The following CHIC1 variants were observed in gnomAD, a reference collection of about 807,000 sequenced individuals.
CHIC1 encodes cysteine-rich hydrophobic domain-containing protein 1.
CHIC1 carries 7 observed loss-of-function variants against 18.5 expected under a neutral mutation model. The ratio of observed to expected loss-of-function variants is 0.38; its 90% CI spans 0.22 to 0.71. The LOEUF (loss-of-function observed/expected upper bound fraction) is 0.71. Ranked by LOEUF, CHIC1 falls within the 30% of genes least tolerant of loss-of-function variation. The pLI, the probability that CHIC1 is intolerant of heterozygous loss-of-function variation, is 0.49. For synonymous variants in CHIC1, 77 were observed against 73.5 expected (o/e 1.05, Z -0.25); for missense variants, 159 against 176.9 (o/e 0.90, Z 0.57).
chrX:73,655,467 T>TATATAC (rs2057940001), intron 3 of CHIC1, among the ~76,000 whole-genome samples: 5 of 72,681 alleles, frequency 6.9e-5, no homozygotes, highest in Non-Finnish European at 1.1e-4. Flanking sequence ...ATTGTGTATA[T>TATATAC]ATATATACAT....
At position 73,563,518 on chromosome X, in the gene CHIC1, G is replaced by A. The variant is rs1388837332; in HGVS notation, c.234G>A (p.Glu78=). ...CGCCCCCGCCTCGGGTAGTGAGCGA[G>A]GAGCATCTGCGGAGATATGCTCCCG... ...EAPPPPRVVS[E]EHLRRYAPDP... Residue 78 remains glutamate, a synonymous_variant, in exon 1 of 6, where the codon GAG becomes GAA. Transcript: ENST00000373502. The A allele has an allele frequency of 1.7e-6, 2 of 1,158,802 alleles. No individual in the cohort carries two copies. The highest frequency in any genetic ancestry group is 2.1e-5 in the South Asian group (1 of 47,993).
intron 1 of CHIC1, among the ~76,000 whole-genome samples, chrX:73,565,463 G>A (rs2057440616): frequency 9.0e-6 from 1 of 111,646 alleles, no homozygotes; most frequent in Non-Finnish European, 1.9e-5. Flanking sequence ...TTCTAATTAG[G>A]AGCATGCGGG....
At chrX:73,634,332 A>G (rs1368725976) in intron 3 of CHIC1, among the ~76,000 whole-genome samples, 2 of 112,911 alleles carry the variant, frequency 1.8e-5, no homozygotes, top group Admixed American at 1.9e-4. Flanking sequence ...CAAGCCAGGT[A>G]TGGTGATAAG....
chrX:73,610,978 C>T (rs1302740486), intron 3 of CHIC1, among the ~76,000 whole-genome samples: 4 of 105,026 alleles, frequency 3.8e-5, no homozygotes, highest in Non-Finnish European at 7.7e-5. Context: ...GTTAGTCTAA[C>T]TAGCAGTTTA....
intron 3 of CHIC1, among the ~76,000 whole-genome samples, chrX:73,640,877 C>T (rs1418306282): frequency 9.0e-6 from 1 of 111,142 alleles, no homozygotes; most frequent in African/African-American, 3.3e-5. Context: ...TTCTTGTTTT[C>T]TGCTAGCTTT....
At chrX:73,675,532 T>G (rs2058057243) in intron 3 of CHIC1, among the ~76,000 whole-genome samples, 1 of 111,857 alleles carries the variant, frequency 8.9e-6, no homozygotes, top group African/African-American at 3.3e-5. Context: ...AAGTCTGTTT[T>G]ATCAGAGACT....
chrX:73,602,739 C>G (rs1323709489), intron 3 of CHIC1, among the ~76,000 whole-genome samples: 1 of 108,755 alleles, frequency 9.2e-6, no homozygotes, highest in Non-Finnish European at 1.9e-5. Flanking sequence ...TTATGGCTAG[C>G]CAGTTTTCCC....
At chrX:73,567,444 T>A (rs981319323) in intron 1 of CHIC1, among the ~76,000 whole-genome samples, 1 of 110,590 alleles carries the variant, frequency 9.0e-6, no homozygotes, top group Non-Finnish European at 1.9e-5. Context: ...CCACTCACAC[T>A]TCCCACTGCT....
intron 3 of CHIC1, among the ~76,000 whole-genome samples, chrX:73,671,727 GTATT>G (rs1023043747): frequency 9.6e-5 from 10 of 104,007 alleles, no homozygotes; most frequent in Non-Finnish European, 1.4e-4. Flanking sequence ...TTTTCTATTA[GTATT>G]TATTTATTTT....
chrX:73,677,541 G>T (rs911900932), intron 3 of CHIC1, among the ~76,000 whole-genome samples: 20 of 112,437 alleles, frequency 1.8e-4, no homozygotes, highest in African/African-American at 5.8e-4. Flanking sequence ...TCCGAGCCAG[G>T]TGCAGGATAT....
At chrX:73,627,625 A>G (rs2057789755) in intron 3 of CHIC1, among the ~76,000 whole-genome samples, 1 of 111,655 alleles carries the variant, frequency 9.0e-6, no homozygotes, top group Non-Finnish European at 1.9e-5. Context: ...GCACCAGCCA[A>G]TGTTTCCTTC....
intron 3 of CHIC1, among the ~76,000 whole-genome samples, chrX:73,673,892 A>G (rs1043619493): frequency 8.9e-6 from 1 of 111,886 alleles, no homozygotes; most frequent in Non-Finnish European, 1.9e-5. Flanking sequence ...GGTTTGTCAT[A>G]GATAGCTCTT....
chrX:73,669,758 A>G (rs1333122997), intron 3 of CHIC1, among the ~76,000 whole-genome samples: 2 of 112,073 alleles, frequency 1.8e-5, no homozygotes, highest in African/African-American at 6.5e-5. Flanking sequence ...ACCAAATGGC[A>G]GAGATGGCAC....
At chrX:73,599,857 C>T (rs1196755177) in intron 3 of CHIC1, among the ~76,000 whole-genome samples, 14 of 102,513 alleles carry the variant, frequency 1.4e-4, no homozygotes, top group African/African-American at 3.9e-5. Flanking sequence ...TAGTTTTTTC[C>T]AATTCTGTGA....
chrX:73,602,460 T>C (rs1245424899), intron 3 of CHIC1, among the ~76,000 whole-genome samples: 1 of 108,926 alleles, frequency 9.2e-6, no homozygotes, highest in South Asian at 3.8e-4. Flanking sequence ...TCCCAATCTG[T>C]AGGTTGCCTG....
intron 3 of CHIC1, among the ~76,000 whole-genome samples, chrX:73,605,374 T>A (rs1393891163): frequency 1.8e-5 from 2 of 108,212 alleles, no homozygotes; most frequent in East Asian, 5.6e-4. Context: ...CATCCCTTTA[T>A]TTTGAGACTA....
intron 3 of CHIC1, among the ~76,000 whole-genome samples, chrX:73,589,534 C>G (rs1021447320): frequency 7.7e-5 from 8 of 103,547 alleles, no homozygotes; most frequent in Non-Finnish European, 1.4e-4. Flanking sequence ...TATACCTCCC[C>G]TTTTATGTTG....
At chrX:73,644,188 G>A (rs1462878752) in intron 3 of CHIC1, among the ~76,000 whole-genome samples, 1 of 112,194 alleles carries the variant, frequency 8.9e-6, no homozygotes, top group Non-Finnish European at 1.9e-5. Flanking sequence ...AGCGGTGGCT[G>A]TAGAACAGCG....
At chrX:73,591,726 G>T (rs2057582983) in intron 3 of CHIC1, among the ~76,000 whole-genome samples, 1 of 111,591 alleles carries the variant, frequency 9.0e-6, no homozygotes, top group South Asian at 3.7e-4. Context: ...TGTAAGGTAT[G>T]TGAATACATT....
Sources: allele counts gnomAD v4.1 joint callset (sites outside exome capture counted in the v4.1 genomes callset), GRCh38; gene constraint gnomAD v4.1.1; transcripts MANE v1.5; gene names NCBI Gene and HGNC (gene_info 2026-07-23, HGNC 2026-07-21).